Variants in CHCHD3 observed in about 807,000 individuals in gnomAD.
CHCHD3 encodes coiled-coil-helix-coiled-coil-helix domain containing 3, also known as MICOS complex subunit MIC19.
Under a neutral mutation model 38.2 loss-of-function variants are expected in CHCHD3, and 20 were observed. The ratio of observed to expected loss-of-function variants is 0.52; its 90% CI spans 0.37 to 0.76. The LOEUF (loss-of-function observed/expected upper bound fraction) is 0.76, where lower values mean the gene tolerates loss of function less well. CHCHD3 is among the 30% of genes least tolerant of loss of function. The probability of loss-of-function intolerance (pLI) is 0.00; values close to 1 mark genes in which losing one functional copy is unlikely to be tolerated. For missense variants in CHCHD3, 245 were observed against 279.2 expected (o/e 0.88, Z 0.87); for synonymous variants, 82 against 100.0 (o/e 0.82, Z 1.07).
intron 3 of CHCHD3, among the ~76,000 whole-genome samples, chr7:132,982,087 TG>T (rs1355807159): frequency 3.3e-5 from 5 of 152,164 alleles, no homozygotes; most frequent in Non-Finnish European, 5.9e-5. Flanking sequence ...AGAGCTAAGC[TG>T]GGTAATTCAA....
chr7:132,948,866 G>C (rs1418452976), intron 4 of CHCHD3, among the ~76,000 whole-genome samples: 1 of 152,146 alleles, frequency 6.6e-6, no homozygotes, highest in Non-Finnish European at 1.5e-5. Flanking sequence ...AGAGAAATGT[G>C]TTGAAATCAA....
At chr7:133,049,909 T>G (rs1814101289) in intron 2 of CHCHD3, among the ~76,000 whole-genome samples, 1 of 152,218 alleles carries the variant, frequency 6.6e-6, no homozygotes, top group Non-Finnish European at 1.5e-5. Flanking sequence ...AGTGCACTGC[T>G]GCTACATGCC....
At chr7:133,017,041 A>G (rs909232037) in intron 3 of CHCHD3, among the ~76,000 whole-genome samples, 1 of 152,228 alleles carries the variant, frequency 6.6e-6, no homozygotes, top group African/African-American at 2.4e-5. Context: ...TTTGCGAGAA[A>G]ATGACCTTGA....
chr7:133,054,807 A>C (rs2117507661), intron 2 of CHCHD3, among the ~76,000 whole-genome samples: 1 of 152,232 alleles, frequency 6.6e-6, no homozygotes, highest in African/African-American at 2.4e-5. Context: ...GCTTTCATCA[A>C]ACATGTTTTT....
intron 3 of CHCHD3, among the ~76,000 whole-genome samples, chr7:132,992,364 C>T (rs1289440686): frequency 6.6e-6 from 1 of 152,204 alleles, no homozygotes; most frequent in Non-Finnish European, 1.5e-5. Context: ...AGCTCCATGA[C>T]AGCAGTCTAC....
In CHCHD3 at chr7:132,914,123, CGTGTGTGTGTGTGTGT is replaced by C. The variant is rs200561468; in HGVS notation, c.370-28394_370-28379del. 3.6e-4 allele frequency among the ~76,000 whole-genome samples: 48 copies of C among 132,290 alleles called. 1 individual carries two copies. Among genetic ancestry groups the C allele is most frequent in the Middle Eastern group, 3.8e-3 (1 of 264 alleles). The allele number at this position is 132,290 out of a possible 152,430, so 86.8% of individuals were successfully genotyped here. A position where few individuals can be genotyped will look rare whatever the true frequency, so the allele number is the denominator to read the frequency against. ...TACAGATGCCCACCACCATGCCTGG[CGTGTGTGTGTGTGTGT>C]GTGTGTGTGTGTGTGTGTGTGTGTG... On this transcript the variant is annotated intron_variant, in intron 4 of 7. Transcript: ENST00000262570.
chr7:133,059,119 A>C (rs1332739479), intron 2 of CHCHD3, among the ~76,000 whole-genome samples: 2 of 152,202 alleles, frequency 1.3e-5, no homozygotes, highest in African/African-American at 4.8e-5. Flanking sequence ...GATGGCAGAA[A>C]GACCACTCTT....
Position 132,785,625 on chromosome 7 carries a change from T to C in CHCHD3, c.*12A>G. On this transcript the variant is annotated 3_prime_UTR_variant, in exon 8 of 8. Coordinates refer to ENST00000262570, the MANE Select transcript of CHCHD3 (RefSeq NM_017812.4). Reference sequence around the variant, plus strand: ...ATTAACGTTGATGGTGTTTTGCTCATTCTGAAAGTTTTTATCCTCCCTTCT... The same window carrying C: ...ATTAACGTTGATGGTGTTTTGCTCACTCTGAAAGTTTTTATCCTCCCTTCT... The C allele has an allele frequency of 3.7e-6, 6 of 1,613,974 alleles. No individual in the cohort carries two copies. Among genetic ancestry groups the C allele is most frequent in the Non-Finnish European group, 5.1e-6 (6 of 1,179,880 alleles).
intron 4 of CHCHD3, among the ~76,000 whole-genome samples, chr7:132,915,106 T>G (rs1280765672): frequency 6.7e-6 from 1 of 150,282 alleles, no homozygotes; most frequent in Non-Finnish European, 1.5e-5. Context: ...GCCACTGCAC[T>G]CCAGCCTAGG....
intron 4 of CHCHD3, among the ~76,000 whole-genome samples, chr7:132,922,886 T>A (rs113139829): frequency 0.022 from 3,342 of 152,276 alleles, 145 homozygotes; most frequent in African/African-American, 0.076. Flanking sequence ...ATGAGGAAAC[T>A]TCATTCCAAA....
intron 2 of CHCHD3, among the ~76,000 whole-genome samples, chr7:133,026,769 GAC>G (rs1489809751): frequency 6.6e-5 from 10 of 152,122 alleles, no homozygotes; most frequent in Non-Finnish European, 1.2e-4. Context: ...AAAGAAGTCA[GAC>G]ATGAAAGGTC....
At chr7:132,816,941 C>T (rs533214357) in intron 6 of CHCHD3, among the ~76,000 whole-genome samples, 1 of 152,074 alleles carries the variant, frequency 6.6e-6, no homozygotes, top group African/African-American at 2.4e-5. Context: ...CATACAAAAG[C>T]CTGAAAAAAA....
intron 1 of CHCHD3, among the ~76,000 whole-genome samples, chr7:133,073,559 T>C (rs1814890440): frequency 6.6e-6 from 1 of 152,178 alleles, no homozygotes; most frequent in South Asian, 2.1e-4. Context: ...ACCTCATTAA[T>C]GACACCACCA....
intron 6 of CHCHD3, among the ~76,000 whole-genome samples, chr7:132,830,283 G>A (rs972510752): frequency 6.6e-6 from 1 of 152,174 alleles, no homozygotes; most frequent in Non-Finnish European, 1.5e-5. Context: ...TGCTTGGTGG[G>A]AGGTGGACAG....
chr7:132,854,788 A>G (rs1475697795), intron 5 of CHCHD3, among the ~76,000 whole-genome samples: 1 of 152,016 alleles, frequency 6.6e-6, no homozygotes, highest in Non-Finnish European at 1.5e-5. Flanking sequence ...ATGTGATTCC[A>G]CTGCTTATGA....
chr7:133,024,615 T>G lies in CHCHD3; in HGVS notation c.182A>C (p.Glu61Ala). ...GAYGASVSDEELKRRVAEELA... is the reference protein window; with the variant it reads ...GAYGASVSDEALKRRVAEELA... ...CTCCTCAGCTACTCTTCTTTTCAATTCTTCATCAGAAACTAGAATCGATAA... is the reference window on the plus strand; with the variant it reads ...CTCCTCAGCTACTCTTCTTTTCAATGCTTCATCAGAAACTAGAATCGATAA... Residue 61 changes from glutamate to alanine, a missense_variant, in exon 3 of 8, where the codon GAA becomes GCA. Glu to Ala is a moderately radical substitution (Grantham distance 107). Coordinates refer to ENST00000262570, the MANE Select transcript of CHCHD3 (RefSeq NM_017812.4). 6.2e-7 allele frequency: 1 copy of G among 1,612,130 alleles called. No individual in the cohort carries two copies. Among genetic ancestry groups the G allele is most frequent in the Non-Finnish European group, 8.5e-7 (1 of 1,178,226 alleles).
chr7:132,883,355 T>A (rs1021581400), intron 5 of CHCHD3, among the ~76,000 whole-genome samples: 6 of 152,172 alleles, frequency 3.9e-5, no homozygotes, highest in African/African-American at 1.4e-4. Context: ...TATTAAATCA[T>A]CACTTAATAT....
Position 132,984,657 on chromosome 7 carries a change from G to A in CHCHD3, c.252-9371C>T, listed in dbSNP as rs975810772. On this transcript the variant is annotated intron_variant, in intron 3 of 7. Transcript: ENST00000262570. The stretch of plus-strand genomic sequence containing the variant: ...GGCCGCCCATCGTCTGAGATGTGGG[G>A]AGTGCCTCTGCCCTGCCGCCCCGTC... Among the ~76,000 whole-genome samples, 522 of 149,828 alleles carry A rather than the reference G, an allele frequency of 3.5e-3. 2 individuals are homozygous for A. The highest frequency in any genetic ancestry group is 0.012 in the African/African-American group (500 of 40,696).
chr7:132,957,564 C>T (rs1811213725), intron 4 of CHCHD3, among the ~76,000 whole-genome samples: 1 of 152,268 alleles, frequency 6.6e-6, no homozygotes, highest in Non-Finnish European at 1.5e-5. Context: ...CTCACTGCAA[C>T]CTCTGCTTCC....
Sources: allele counts gnomAD v4.1 joint callset (sites outside exome capture counted in the v4.1 genomes callset), GRCh38; gene constraint gnomAD v4.1.1; transcripts MANE v1.5; gene names NCBI Gene and HGNC (gene_info 2026-07-23, HGNC 2026-07-21).